Variants in CGNL1 observed in about 807,000 individuals in gnomAD.
The protein encoded by CGNL1 is cingulin-like protein 1.
In CGNL1, 132 loss-of-function variants were observed where a neutral mutation model predicts 141.2. The observed-to-expected ratio is 0.93, with a 90% CI of 0.81 to 1.08. The LOEUF (loss-of-function observed/expected upper bound fraction) is 1.08. CGNL1 is among the 50% of genes least tolerant of loss of function. The pLI is 0.00. For synonymous variants in CGNL1, 690 were observed against 622.1 expected (o/e 1.11, Z -1.63); for missense variants, 1,870 against 1,588.6 (o/e 1.18, Z -3.01).
chr15:57,419,460 G>C (rs2062889002), intron 1 of CGNL1, among the ~76,000 whole-genome samples: 1 of 152,086 alleles, frequency 6.6e-6, no homozygotes, highest in Admixed American at 6.5e-5. Context: ...TCTGTTGCCT[G>C]ATCCCATCCA....
At chr15:57,444,724 G>A (rs2063230411) in intron 4 of CGNL1, among the ~76,000 whole-genome samples, 1 of 152,160 alleles carries the variant, frequency 6.6e-6, no homozygotes, top group African/African-American at 2.4e-5. Flanking sequence ...AAGAGGCATG[G>A]GTTGCCATGT....
intron 14 of CGNL1, among the ~76,000 whole-genome samples, chr15:57,537,222 C>G (rs181398784): frequency 2.6e-5 from 4 of 152,288 alleles, no homozygotes; most frequent in Non-Finnish European, 4.4e-5. Flanking sequence ...GGAAAAATAC[C>G]AACTCGAGCT....
intron 15 of CGNL1, among the ~76,000 whole-genome samples, chr15:57,544,091 C>A (rs182069603): frequency 0.015 from 2,347 of 152,258 alleles, 67 homozygotes; most frequent in African/African-American, 0.054. Context: ...TTCATCGGGT[C>A]ATTATTTCTT....
chr15:57,516,124 A>G (rs1420569839), intron 8 of CGNL1, among the ~76,000 whole-genome samples: 1 of 139,528 alleles, frequency 7.2e-6, no homozygotes, highest in African/African-American at 2.7e-5. Context: ...GCGCCACTGC[A>G]CTCCAGCCTG....
At chr15:57,436,209 A>G (rs1417386231) in intron 1 of CGNL1, among the ~76,000 whole-genome samples, 1 of 152,154 alleles carries the variant, frequency 6.6e-6, no homozygotes, top group Admixed American at 6.5e-5. Context: ...ATTTTGTTGC[A>G]TGTTGATGAC....
At chr15:57,538,752 T>C (rs970067948) in intron 14 of CGNL1, among the ~76,000 whole-genome samples, 8 of 152,184 alleles carry the variant, frequency 5.3e-5, no homozygotes, top group African/African-American at 1.9e-4. Flanking sequence ...CTCCATGCGC[T>C]CTCTGCACTC....
chr15:57,408,218 G>A (rs796255785), intron 1 of CGNL1, among the ~76,000 whole-genome samples: 28 of 152,202 alleles, frequency 1.8e-4, no homozygotes, highest in African/African-American at 6.7e-4. Context: ...CCCACAAGCA[G>A]CTGAAGGCAG....
At chr15:57,504,314 G>C (rs1208472399) in intron 8 of CGNL1, among the ~76,000 whole-genome samples, 1 of 152,204 alleles carries the variant, frequency 6.6e-6, no homozygotes, top group Non-Finnish European at 1.5e-5. Context: ...GACGGGCTCA[G>C]AGTTGCATGG....
chr15:57,416,665 G>T (rs547309609), intron 1 of CGNL1, among the ~76,000 whole-genome samples: 1 of 152,174 alleles, frequency 6.6e-6, no homozygotes, highest in South Asian at 2.1e-4. Flanking sequence ...CTACTGCTGG[G>T]GTGCACACAC....
chr15:57,451,391 T>G, intron 4 of CGNL1, 109 bp from the exon 5 acceptor site: 1 of 717,404 alleles, frequency 1.4e-6, no homozygotes, highest in Non-Finnish European at 2.3e-6. Context: ...TTAAAATGTT[T>G]AGTGTTATGC....
chr15:57,448,203 A>G (rs1404249363), intron 4 of CGNL1, among the ~76,000 whole-genome samples: 51 of 151,900 alleles, frequency 3.4e-4, no homozygotes, highest in African/African-American at 1.2e-3. Flanking sequence ...ATAACTGCTC[A>G]GGAGGCTGAG....
chr15:57,409,109 A>C (rs954167691), intron 1 of CGNL1, among the ~76,000 whole-genome samples: 1 of 151,504 alleles, frequency 6.6e-6, no homozygotes. Flanking sequence ...GCATGTGTGC[A>C]TTAATTGAGG....
chr15:57,520,479 T>C (rs8034218), intron 10 of CGNL1, among the ~76,000 whole-genome samples: 55,719 of 152,084 alleles, frequency 0.37, 10,850 homozygotes, highest in Middle Eastern at 0.47. Context: ...TATGTCTGAT[T>C]TACCATGACT....
rs184407004 is a variant in CGNL1, at chr15:57,531,625, G to T, written c.3202-65G>T. 3.2e-4 allele frequency: 317 copies of T among 1,001,430 alleles called. No individual in the cohort carries two copies. The African/African-American group carries it at 4.5e-3, about 14-fold the overall frequency. 62.0% of individuals were successfully genotyped at this position (1,001,430 alleles called of 1,614,324 possible). On this transcript the variant is annotated intron_variant, in intron 13 of 18. Transcript: ENST00000281282. ...CCCTTAGGATTGTTTCTCTGTGGGG[G>T]AGCCTTTGCTGTTAATCCCGGTCAG...
At chr15:57,523,980 T>G (rs2031444769) in intron 11 of CGNL1, among the ~76,000 whole-genome samples, 1 of 152,160 alleles carries the variant, frequency 6.6e-6, no homozygotes, top group Non-Finnish European at 1.5e-5. Flanking sequence ...CTCTATTGCT[T>G]GTCCAGGAGT....
At chr15:57,415,601 C>A (rs891766770) in intron 1 of CGNL1, among the ~76,000 whole-genome samples, 1 of 152,232 alleles carries the variant, frequency 6.6e-6, no homozygotes, top group South Asian at 2.1e-4. Flanking sequence ...CCTTAAAAGT[C>A]TTCCAGATTC....
intron 8 of CGNL1, among the ~76,000 whole-genome samples, chr15:57,464,038 C>T (rs2063478820): frequency 6.6e-6 from 1 of 150,794 alleles, no homozygotes; most frequent in African/African-American, 2.4e-5. Context: ...CTCCATTAGA[C>T]TCTGCACTTC....
intron 1 of CGNL1, among the ~76,000 whole-genome samples, chr15:57,399,549 T>TG (rs2062637099): frequency 6.6e-6 from 1 of 151,878 alleles, no homozygotes; most frequent in Admixed American, 6.6e-5. Flanking sequence ...ATAGTTGTTT[T>TG]TTTTTTTTTT....
chr15:57,476,222 G>A (rs558383466), intron 8 of CGNL1, among the ~76,000 whole-genome samples: 1 of 152,076 alleles, frequency 6.6e-6, no homozygotes, highest in Non-Finnish European at 1.5e-5. Flanking sequence ...AGGCCAGGGC[G>A]GGTTCCTAAG....
Sources: allele counts gnomAD v4.1 joint callset (sites outside exome capture counted in the v4.1 genomes callset), GRCh38; gene constraint gnomAD v4.1.1; transcripts MANE v1.5; gene names NCBI Gene and HGNC (gene_info 2026-07-23, HGNC 2026-07-21).